The following ANKIB1 variants were observed in gnomAD, a reference collection of about 807,000 sequenced individuals.
ANKIB1 encodes the protein ankyrin repeat and IBR domain containing 1, also known as ankyrin repeat and IBR domain-containing protein 1.
Under a neutral mutation model 122.1 loss-of-function variants are expected in ANKIB1, and 43 were observed. The observed-to-expected ratio is 0.35, with a 90% CI of 0.28 to 0.45. ANKIB1 has a LOEUF of 0.45. ANKIB1 is among the 20% of genes least tolerant of loss of function. The probability of loss-of-function intolerance (pLI) is 1.00; values close to 1 mark genes in which losing one functional copy is unlikely to be tolerated. For synonymous variants in ANKIB1, 390 were observed against 442.0 expected (o/e 0.88, Z 1.48); for missense variants, 992 against 1,329.5 (o/e 0.75, Z 3.95).
intron 18 of ANKIB1, among the ~76,000 whole-genome samples, chr7:92,397,298 C>A (rs1804919441): frequency 6.6e-6 from 1 of 151,872 alleles, no homozygotes; most frequent in South Asian, 2.1e-4. Flanking sequence ...CCATCCTGAC[C>A]AACATGGTGA....
chr7:92,268,397 A>AT (rs961571697), intron 1 of ANKIB1, among the ~76,000 whole-genome samples: 1 of 152,146 alleles, frequency 6.6e-6, no homozygotes, highest in Non-Finnish European at 1.5e-5. Flanking sequence ...ATATGATTGT[A>AT]TTTTTTGCAA....
chr7:92,374,923 A>G (rs2115653018), intron 11 of ANKIB1, among the ~76,000 whole-genome samples: 1 of 152,288 alleles, frequency 6.6e-6, no homozygotes, highest in East Asian at 1.9e-4. Context: ...CAATATGAAG[A>G]ATAAGGGAGA....
At chr7:92,271,990 T>C (rs117709660) in intron 1 of ANKIB1, among the ~76,000 whole-genome samples, 1 of 152,082 alleles carries the variant, frequency 6.6e-6, no homozygotes, top group Non-Finnish European at 1.5e-5. Context: ...TTCATGGAGA[T>C]AGAAAATGGA....
intron 2 of ANKIB1, among the ~76,000 whole-genome samples, chr7:92,296,509 T>G (rs975777831): frequency 3.3e-5 from 5 of 152,256 alleles, no homozygotes; most frequent in Admixed American, 6.5e-5. Context: ...ATCTAAATTT[T>G]GCTCTTCAAG....
intron 1 of ANKIB1, among the ~76,000 whole-genome samples, chr7:92,262,015 C>G (rs749849265): frequency 4.6e-5 from 7 of 152,084 alleles, no homozygotes; most frequent in Non-Finnish European, 1.0e-4. Flanking sequence ...TATACTGTGC[C>G]CTTCATTACT....
At chr7:92,295,965 G>GA (rs529779740) in intron 2 of ANKIB1, among the ~76,000 whole-genome samples, 40 of 152,004 alleles carry the variant, frequency 2.6e-4, no homozygotes, top group Admixed American at 1.0e-3. Context: ...GAAGAGAAAG[G>GA]AAAAAAATGC....
chr7:92,369,978 T>G (rs558806458), intron 10 of ANKIB1, among the ~76,000 whole-genome samples: 1 of 152,316 alleles, frequency 6.6e-6, no homozygotes, highest in East Asian at 1.9e-4. Flanking sequence ...AGATCTCAAA[T>G]TATAGTAAAA....
intron 3 of ANKIB1, among the ~76,000 whole-genome samples, chr7:92,317,560 A>G (rs1802818496): frequency 6.6e-6 from 1 of 152,208 alleles, no homozygotes; most frequent in South Asian, 2.1e-4. Flanking sequence ...TCTATATTTC[A>G]TAGTCTTGTT....
At chr7:92,325,632 CTT>C (rs397956901) in intron 4 of ANKIB1, among the ~76,000 whole-genome samples, 1 of 144,976 alleles carries the variant, frequency 6.9e-6, no homozygotes, top group African/African-American at 2.5e-5. Context: ...AGTGCCTATT[CTT>C]TTTTTTTTTT....
intron 15 of ANKIB1, among the ~76,000 whole-genome samples, chr7:92,390,499 T>C (rs1346000801): frequency 1.3e-5 from 2 of 152,218 alleles, no homozygotes; most frequent in African/African-American, 2.4e-5. Flanking sequence ...CAGTTTATTT[T>C]TGAAATACAA....
intron 2 of ANKIB1, among the ~76,000 whole-genome samples, chr7:92,302,123 G>T (rs765540012): frequency 6.6e-6 from 1 of 151,938 alleles, no homozygotes; most frequent in East Asian, 1.9e-4. Flanking sequence ...TAGTAGAGAT[G>T]TAGTTTCACT....
intron 1 of ANKIB1, among the ~76,000 whole-genome samples, chr7:92,252,598 T>A (rs1327466915): frequency 3.3e-5 from 5 of 151,964 alleles, no homozygotes; most frequent in Non-Finnish European, 7.4e-5. Context: ...CTTTCTCTCT[T>A]ATGTATTAAA....
chr7:92,323,600 A>G (rs569415306), intron 4 of ANKIB1, among the ~76,000 whole-genome samples: 22 of 152,312 alleles, frequency 1.4e-4, no homozygotes, highest in African/African-American at 5.1e-4. Flanking sequence ...TTCACAATGT[A>G]AAGAGTAATA....
At chr7:92,383,792 C>T (rs563855486) in intron 11 of ANKIB1, among the ~76,000 whole-genome samples, 61 of 152,144 alleles carry the variant, frequency 4.0e-4, no homozygotes, top group East Asian at 1.2e-3. Context: ...TGATACTGAA[C>T]GGGCAAAAAC....
At chr7:92,331,550 A>C (rs2131962506) in intron 5 of ANKIB1, among the ~76,000 whole-genome samples, 1 of 152,268 alleles carries the variant, frequency 6.6e-6, no homozygotes, top group Non-Finnish European at 1.5e-5. Flanking sequence ...TTGGGATTAC[A>C]GGCATGAGCC....
chr7:92,352,237 TAAAGA>T (rs1373040375), intron 8 of ANKIB1, among the ~76,000 whole-genome samples: 1 of 152,218 alleles, frequency 6.6e-6, no homozygotes. Flanking sequence ...GTTTTTAGAT[TAAAGA>T]AAACATAAAT....
At position 92,368,372 on chromosome 7, in the gene ANKIB1, A is replaced by G. The variant is rs372592534; in HGVS notation, c.1487-3105A>G. ...GAGTTTGAAAGTCAGTAGAGGTGAA[A>G]AAATCTCACCAGATAGATTGAAGGG... On this transcript the variant is annotated intron_variant, in intron 10 of 19. Transcript: ENST00000265742. 1.1e-4 allele frequency among the ~76,000 whole-genome samples: 16 copies of G among 151,542 alleles called. No individual in the cohort carries two copies. In the East Asian group the frequency reaches 2.9e-3, roughly 28 times the overall value.
chr7:92,273,292 G>T lies in ANKIB1; in HGVS notation c.-90-21597G>T, dbSNP rs111288792. Among the ~76,000 whole-genome samples, 5 of 152,238 alleles carry T rather than the reference G, an allele frequency of 3.3e-5. 1 individual carries two copies. Among genetic ancestry groups the T allele is most frequent in the African/African-American group, 1.2e-4 (5 of 41,502 alleles). ...TTATCATCTTATTCAGCTGAACTCA[G>T]ATAGGATGGATCAAGGACTGGTTAA... On this transcript the variant is annotated intron_variant, in intron 1 of 19. Coordinates refer to ENST00000265742, the MANE Select transcript of ANKIB1 (RefSeq NM_019004.2).
chr7:92,350,005 T>TAA (rs147124525), intron 7 of ANKIB1, among the ~76,000 whole-genome samples: 8 of 130,442 alleles, frequency 6.1e-5, no homozygotes, highest in South Asian at 4.9e-4. Context: ...GACCCCATCT[T>TAA]AAAAAAAAAA....
Sources: allele counts gnomAD v4.1 joint callset (sites outside exome capture counted in the v4.1 genomes callset), GRCh38; gene constraint gnomAD v4.1.1; transcripts MANE v1.5; gene names NCBI Gene and HGNC (gene_info 2026-07-23, HGNC 2026-07-21).